The following OXR1 variants were observed in gnomAD, a reference collection of about 807,000 sequenced individuals.
OXR1 encodes the protein oxidation resistance protein 1.
Under a neutral mutation model 104.6 loss-of-function variants are expected in OXR1, and 41 were observed. The ratio of observed to expected loss-of-function variants is 0.39; its 90% CI spans 0.31 to 0.51. The LOEUF is 0.51. Among genes scored for constraint, OXR1 ranks in the 20% least tolerant of loss-of-function variants. OXR1 has a pLI of 0.77. For missense variants in OXR1, 955 were observed against 1,031.9 expected (o/e 0.93, Z 1.02); for synonymous variants, 348 against 348.4 (o/e 1.00, Z 0.01).
chr8:106,518,203 T>G (rs1812992326), intron 2 of OXR1, among the ~76,000 whole-genome samples: 1 of 152,180 alleles, frequency 6.6e-6, no homozygotes. Context: ...ATGAAAGACT[T>G]GAAAAATGAC....
intron 1 of OXR1, among the ~76,000 whole-genome samples, chr8:106,297,689 G>A (rs1813057502): frequency 2.0e-5 from 3 of 152,170 alleles, no homozygotes; most frequent in Admixed American, 1.3e-4. Context: ...TGCCATGTAT[G>A]ACTGTACCTG....
chr8:106,736,965 A>G (rs1329587403), intron 11 of OXR1, among the ~76,000 whole-genome samples: 4 of 151,936 alleles, frequency 2.6e-5, no homozygotes, highest in African/African-American at 9.7e-5. Context: ...TCTAGAGCTT[A>G]TTTTTCTTAT....
At chr8:106,287,224 G>C (rs183032833) in intron 1 of OXR1, among the ~76,000 whole-genome samples, 2 of 152,128 alleles carry the variant, frequency 1.3e-5, no homozygotes, top group Admixed American at 1.3e-4. Context: ...ATGAAAAGAC[G>C]TGTGAAACAT....
At chr8:106,697,354 A>G in intron 7 of OXR1, 1 of 1,094,832 alleles carries the variant, frequency 9.1e-7, no homozygotes, top group Non-Finnish European at 1.3e-6. Context: ...TGGGAATGTC[A>G]CTGCTAAAAT....
rs142372169 is a variant in OXR1 at position 106,316,645 on chromosome 8, G to T, written c.-138-42831G>T. ...CTTTAAAACTTAAGTAAAACATTGG[G>T]CTAGGAAAGGTTAGTGGCTTAATGT... On this transcript the variant is annotated intron_variant, in intron 1 of 16. Transcript: ENST00000517566. Among the ~76,000 whole-genome samples, 4 of 151,982 alleles carry T rather than the reference G, an allele frequency of 2.6e-5. No homozygotes were observed. In the East Asian group the frequency reaches 7.8e-4, roughly 29 times the overall value.
At chr8:106,295,467 C>T (rs148348326) in intron 1 of OXR1, among the ~76,000 whole-genome samples, 27 of 151,972 alleles carry the variant, frequency 1.8e-4, no homozygotes, top group African/African-American at 5.8e-4. Flanking sequence ...CTCATTGTCA[C>T]GTTATACAAC....
chr8:106,686,810 A>G (rs1305344322), intron 6 of OXR1, among the ~76,000 whole-genome samples: 2 of 152,180 alleles, frequency 1.3e-5, no homozygotes, highest in Non-Finnish European at 2.9e-5. Context: ...ACTTAAAAAT[A>G]TTGCATTTTG....
At chr8:106,663,169 GT>G (rs1272088269) in intron 3 of OXR1, among the ~76,000 whole-genome samples, 1 of 152,082 alleles carries the variant, frequency 6.6e-6, no homozygotes, top group Admixed American at 6.5e-5. Context: ...CTGAGCAAAA[GT>G]TTTTTATTTA....
At chr8:106,719,198 A>T (rs1026969462) in intron 11 of OXR1, among the ~76,000 whole-genome samples, 1 of 152,188 alleles carries the variant, frequency 6.6e-6, no homozygotes, top group Non-Finnish European at 1.5e-5. Flanking sequence ...GTTTTTTGAT[A>T]CAGATTTTTT....
At chr8:106,584,333 G>T (rs148956822) in intron 3 of OXR1, among the ~76,000 whole-genome samples, 1 of 151,832 alleles carries the variant, frequency 6.6e-6, no homozygotes, top group South Asian at 2.1e-4. Context: ...TTCGGGGGAG[G>T]GGGGAGAAAA....
intron 3 of OXR1, chr8:106,658,232 G>T (rs1027410602): frequency 1.3e-5 from 16 of 1,230,846 alleles, no homozygotes; most frequent in Non-Finnish European, 1.3e-5. Context: ...CCTGGGCTGA[G>T]GGCTGTGGGG....
chr8:106,662,318 T>C (rs1213143730), intron 3 of OXR1, among the ~76,000 whole-genome samples: 1 of 152,222 alleles, frequency 6.6e-6, no homozygotes, highest in Non-Finnish European at 1.5e-5. Flanking sequence ...ATGACTTGAA[T>C]TATTTGACAT....
intron 11 of OXR1, among the ~76,000 whole-genome samples, chr8:106,727,197 GTT>G (rs141630481): frequency 1.4e-4 from 21 of 147,658 alleles, no homozygotes; most frequent in Admixed American, 2.7e-4. Context: ...TAACACCGTT[GTT>G]TTTTTTTTAA....
chr8:106,382,540 T>A (rs1485541762), intron 2 of OXR1, among the ~76,000 whole-genome samples: 4 of 152,092 alleles, frequency 2.6e-5, no homozygotes, highest in African/African-American at 9.7e-5. Context: ...ATTTTTGCGC[T>A]TGTTAGGACC....
chr8:106,575,074 T>A (rs1367880891), intron 3 of OXR1, among the ~76,000 whole-genome samples: 1 of 152,182 alleles, frequency 6.6e-6, no homozygotes, highest in Non-Finnish European at 1.5e-5. Context: ...AAAATGTGAT[T>A]CTCAATATCA....
At chr8:106,699,657 T>A (rs1315012129) in intron 7 of OXR1, among the ~76,000 whole-genome samples, 2 of 152,162 alleles carry the variant, frequency 1.3e-5, no homozygotes, top group Non-Finnish European at 2.9e-5. Context: ...TATTTAAAGA[T>A]CAAAGCAAAG....
chr8:106,559,741 C>T (rs534315074), intron 3 of OXR1, among the ~76,000 whole-genome samples: 5 of 152,162 alleles, frequency 3.3e-5, no homozygotes, highest in South Asian at 4.1e-4. Context: ...TAGCTGGCTC[C>T]CTCACCTCTT....
At position 106,702,866 on chromosome 8, in the gene OXR1, A is replaced by G. The variant is rs28921409; in HGVS notation, c.676-40A>G. ...ATAGCTAGATAATTTTTGAAGTATC[A>G]ACCTTGAGGATTAAATGTTACTTTC... is the stretch of plus-strand genomic sequence containing the variant. On this transcript the variant is annotated intron_variant, in intron 7 of 16. Coordinates refer to ENST00000517566, the MANE Select transcript of OXR1 (RefSeq NM_001198533.2). The G allele has an allele frequency of 4.7e-6, 7 of 1,485,572 alleles. No individual in the cohort carries two copies. The East Asian group carries it at 1.6e-4, about 34-fold the overall frequency. The allele number at this position is 1,485,572 out of a possible 1,614,324, so 92.0% of individuals were successfully genotyped here.
chr8:106,686,634 A>G (rs971491125), intron 6 of OXR1, among the ~76,000 whole-genome samples: 2 of 152,152 alleles, frequency 1.3e-5, no homozygotes, highest in African/African-American at 2.4e-5. Context: ...AATAATGTCT[A>G]TTAGTATTGT....
Sources: allele counts gnomAD v4.1 joint callset (sites outside exome capture counted in the v4.1 genomes callset), GRCh38; gene constraint gnomAD v4.1.1; transcripts MANE v1.5; gene names NCBI Gene and HGNC (gene_info 2026-07-23, HGNC 2026-07-21).